The following POU6F2 variants were observed in gnomAD, a reference collection of about 807,000 sequenced individuals.
POU6F2 encodes the protein POU class 6 homeobox 2.
Under a neutral mutation model 71.3 loss-of-function variants are expected in POU6F2, and 31 were observed. The observed-to-expected ratio is 0.43, with a 90% confidence interval of 0.33 to 0.59. The LOEUF (loss-of-function observed/expected upper bound fraction) is 0.59, where lower values mean the gene tolerates loss of function less well. Ranked by LOEUF, POU6F2 falls within the 20% of genes least tolerant of loss-of-function variation. The pLI, the probability that POU6F2 is intolerant of heterozygous loss-of-function variation, is 0.04. For synonymous variants in POU6F2, 347 were observed against 355.7 expected, an observed-to-expected ratio of 0.98 and a Z score of 0.27; for missense variants, 783 against 856.8, an observed-to-expected ratio of 0.91 and a Z score of 1.07.
At chr7:39,014,230 A>C (rs1158978143) in intron 1 of POU6F2, among the ~76,000 whole-genome samples, 1 of 152,218 alleles carries the variant, frequency 6.6e-6, no homozygotes, top group Admixed American at 6.5e-5. Context: ...TCAGAGAGGC[A>C]TAACCCAATG....
Position 39,207,466 on chromosome 7 carries a change from G to T in POU6F2, c.444G>T (p.Gln148His). 6.2e-7 allele frequency: 1 copy of T among 1,614,016 alleles called. No homozygotes were observed. The highest frequency in any genetic ancestry group is 8.5e-7 in the Non-Finnish European group (1 of 1,179,884). Residue 148 changes from glutamine to histidine, a missense_variant, in exon 4 of 10, where the codon CAG becomes CAT. This residue lies in a region of POU6F2 where 572 missense variants were observed against 572.9 expected (regional missense o/e 1.00). Coordinates refer to ENST00000518318, the MANE Select transcript of POU6F2 (RefSeq NM_001370959.1). The part of the protein sequence containing the change: ...VMPGGPPALN[Q>H]PILIPFNMAG... ...CGGGAGGCCCCCCAGCCCTCAACCA[G>T]CCAATCCTCATTCCCTTCAACATGG...
intron 2 of POU6F2, among the ~76,000 whole-genome samples, chr7:39,100,691 A>G (rs970562219): frequency 2.0e-5 from 3 of 152,350 alleles, no homozygotes; most frequent in Non-Finnish European, 2.9e-5. Context: ...GCCAGTGGCA[A>G]TGACCATCCC....
Position 39,240,756 on chromosome 7 carries a change from GATAA to G in POU6F2, c.598+33144_598+33147del, listed in dbSNP as rs779041872. The stretch of plus-strand genomic sequence containing the variant: ...TTACTGAGACAATAATAGTTTCTTT[GATAA>G]ATAAATACTAATGAAGTTTTTGTTA... On this transcript the variant is annotated intron_variant, in intron 4 of 9. Transcript: ENST00000518318. 1.5e-4 allele frequency among the ~76,000 whole-genome samples: 23 copies of G among 152,208 alleles called. No individual in the cohort carries two copies. In the East Asian group the frequency reaches 3.5e-3, roughly 23 times the overall value.
chr7:39,299,167 GTAAAA>G (rs1200093490), intron 4 of POU6F2, among the ~76,000 whole-genome samples: 1 of 152,028 alleles, frequency 6.6e-6, no homozygotes, highest in Non-Finnish European at 1.5e-5. Flanking sequence ...GGAACTTAAA[GTAAAA>G]TAAAATAAAA....
At chr7:39,410,799 TC>T (rs1056568276) in intron 6 of POU6F2, among the ~76,000 whole-genome samples, 6 of 152,144 alleles carry the variant, frequency 3.9e-5, no homozygotes, top group African/African-American at 1.4e-4. Context: ...ACTCATAGTT[TC>T]CGGAAAGCTA....
At chr7:39,317,167 G>A (rs1008139518) in intron 4 of POU6F2, among the ~76,000 whole-genome samples, 5 of 152,154 alleles carry the variant, frequency 3.3e-5, no homozygotes, top group African/African-American at 1.2e-4. Flanking sequence ...AGTAAGTGTC[G>A]CTGAGCTGCT....
rs1246971381 is a variant in POU6F2 at position 39,038,164 on chromosome 7, C to T, written c.106-47696C>T. ...CTCTTTTGTCATAGGATTGTTTCTT[C>T]CACTTGTAAGAACTGTCTGGAGGAC... On this transcript the variant is annotated intron_variant, in intron 1 of 9. Coordinates refer to ENST00000518318, the MANE Select transcript of POU6F2 (RefSeq NM_001370959.1). Among the ~76,000 whole-genome samples the T allele has an allele frequency of 2.6e-5, 4 of 152,056 alleles. No individual in the cohort carries two copies. The East Asian group carries it at 7.8e-4, about 30-fold the overall frequency.
At chr7:39,420,915 AT>A (rs1787835722) in intron 6 of POU6F2, among the ~76,000 whole-genome samples, 1 of 152,192 alleles carries the variant, frequency 6.6e-6, no homozygotes, top group South Asian at 2.1e-4. Flanking sequence ...AAATCATTAC[AT>A]TTATCGATTG....
intron 2 of POU6F2, among the ~76,000 whole-genome samples, chr7:39,102,905 G>GCATAGAAA (rs1200966727): frequency 3.9e-5 from 6 of 152,150 alleles, no homozygotes; most frequent in Non-Finnish European, 7.4e-5. Flanking sequence ...GTTGGTATTT[G>GCATAGAAA]TGTGTTTAAG....
intron 2 of POU6F2, among the ~76,000 whole-genome samples, chr7:39,159,029 T>A (rs1261515429): frequency 1.3e-5 from 2 of 150,524 alleles, no homozygotes; most frequent in Non-Finnish European, 3.0e-5. Flanking sequence ...AAAAAAAAAA[T>A]TAGCCAGGTG....
intron 4 of POU6F2, among the ~76,000 whole-genome samples, chr7:39,227,758 T>C (rs1416969885): frequency 6.6e-6 from 1 of 152,018 alleles, no homozygotes; most frequent in African/African-American, 2.4e-5. Flanking sequence ...GGGGTTTCAC[T>C]GTGTTAGCGA....
intron 5 of POU6F2, among the ~76,000 whole-genome samples, chr7:39,362,425 G>T (rs934669386): frequency 6.6e-6 from 1 of 152,118 alleles, no homozygotes; most frequent in Non-Finnish European, 1.5e-5. Flanking sequence ...GTACAAGCAA[G>T]GTCAGAAGGA....
intron 2 of POU6F2, among the ~76,000 whole-genome samples, chr7:39,135,889 G>A (rs1041166155): frequency 2.6e-5 from 4 of 152,078 alleles, no homozygotes; most frequent in South Asian, 2.1e-4. Flanking sequence ...CAGGAGCACC[G>A]CTAAATAATG....
chr7:39,221,384 CTTTTTTTTTTTTT>C (rs33915153), intron 4 of POU6F2, among the ~76,000 whole-genome samples: 1 of 86,334 alleles, frequency 1.2e-5, no homozygotes, highest in African/African-American at 4.8e-5. Context: ...CTCTCTCTCT[CTTTTTTTTTTTTT>C]TTTTTTTTTT....
intron 7 of POU6F2, among the ~76,000 whole-genome samples, chr7:39,434,390 G>C (rs1788181134): frequency 6.6e-6 from 1 of 152,104 alleles, no homozygotes; most frequent in African/African-American, 2.4e-5. Flanking sequence ...TTGTGCCCCT[G>C]TTACCTCATT....
intron 2 of POU6F2, among the ~76,000 whole-genome samples, chr7:39,102,614 A>G (rs545212706): frequency 6.6e-6 from 1 of 152,306 alleles, no homozygotes; most frequent in African/African-American, 2.4e-5. Context: ...CTATCTAGGG[A>G]CAGAGGTAAA....
Position 39,460,831 on chromosome 7 carries a change from A to G in POU6F2, c.1658+116A>G. The G allele has an allele frequency of 1.6e-6, 2 of 1,232,858 alleles. No homozygotes were observed. The highest frequency in any genetic ancestry group is 3.5e-5 in the South Asian group (2 of 57,496). The allele number at this position is 1,232,858 out of a possible 1,614,324, so 76.4% of individuals were successfully genotyped here. A position where few individuals can be genotyped will look rare whatever the true frequency, so the allele number is the denominator to read the frequency against. ...GCTGGAGGGGCAGAGAGTGGGAACA[A>G]AGTTTGGGGGCAGCTATATGTTGGG... is the stretch of plus-strand genomic sequence containing the variant. On this transcript the variant is annotated intron_variant, in intron 9 of 9. Transcript: ENST00000518318. The surrounding 1 kb of genome is among the most constrained non-coding windows in gnomAD (Gnocchi z 4.4).
chr7:39,110,269 A>C (rs1443437877), intron 2 of POU6F2, among the ~76,000 whole-genome samples: 1 of 46,760 alleles, frequency 2.1e-5, no homozygotes, highest in East Asian at 1.4e-3. Context: ...ACTCCGTCTC[A>C]AAAAAAAAAA....
At chr7:39,458,678 A>C (rs1458281030) in intron 8 of POU6F2, among the ~76,000 whole-genome samples, 1 of 152,134 alleles carries the variant, frequency 6.6e-6, no homozygotes, top group Non-Finnish European at 1.5e-5. Flanking sequence ...CAGGACTTCC[A>C]TTCATCTTAA....
Sources: gnomAD v4.1 joint callset for allele counts (sites outside exome capture counted in the v4.1 genomes callset) on GRCh38, gnomAD v4.1.1 for gene constraint, gnomAD v4.1.1 regional missense constraint, Gnocchi (gnomAD v3.1) non-coding constraint, MANE v1.5 for transcripts, NCBI Gene and HGNC (gene_info 2026-07-23, HGNC 2026-07-21) for gene names.